Variants in SPMAP2L observed in about 807,000 individuals in gnomAD.
SPMAP2L encodes the protein sperm microtubule associated protein 2-like.
the SPMAP2L span, among the ~76,000 whole-genome samples, chr4:56,550,371 G>GT: frequency 6.6e-6 from 1 of 150,720 alleles, no homozygotes; most frequent in African/African-American, 2.5e-5. Flanking sequence ...ATGGTTTTCA[G>GT]TTAAAAAAAA....
chr4:56,540,966 A>C, the SPMAP2L span, among the ~76,000 whole-genome samples: 1 of 152,192 alleles, frequency 6.6e-6, no homozygotes, highest in South Asian at 2.1e-4. Flanking sequence ...TTTCAATTGG[A>C]GCATACATTT....
At chr4:56,614,235 C>T in the SPMAP2L span, among the ~76,000 whole-genome samples, 1 of 152,122 alleles carries the variant, frequency 6.6e-6, no homozygotes, top group Admixed American at 6.5e-5. Flanking sequence ...AGGATAGTAA[C>T]AATAAAGGTT....
chr4:56,596,011 G>A, the SPMAP2L span, among the ~76,000 whole-genome samples: 1 of 152,096 alleles, frequency 6.6e-6, no homozygotes, highest in Non-Finnish European at 1.5e-5. Flanking sequence ...CTTTTAATGT[G>A]GCAAGTTTGC....
At chr4:56,589,883 G>A in the SPMAP2L span, among the ~76,000 whole-genome samples, 1 of 152,058 alleles carries the variant, frequency 6.6e-6, no homozygotes, top group African/African-American at 2.4e-5. Flanking sequence ...CAGAAACTTT[G>A]CCAAATTCTT....
the SPMAP2L span, among the ~76,000 whole-genome samples, chr4:56,606,691 A>G: frequency 6.6e-6 from 1 of 152,148 alleles, no homozygotes; most frequent in Non-Finnish European, 1.5e-5. Flanking sequence ...GTGAAGCAAG[A>G]GGAGGCTGAA....
chr4:56,554,435 G>A, the SPMAP2L span, among the ~76,000 whole-genome samples: 13 of 152,188 alleles, frequency 8.5e-5, no homozygotes, highest in Admixed American at 2.0e-4. Flanking sequence ...ATGAACTGAT[G>A]TTGAGCATAT....
the SPMAP2L span, among the ~76,000 whole-genome samples, chr4:56,576,997 T>G: frequency 6.6e-6 from 1 of 152,110 alleles, no homozygotes; most frequent in Non-Finnish European, 1.5e-5. Context: ...GAACATCAGC[T>G]ATTTTATAAT....
the SPMAP2L span, among the ~76,000 whole-genome samples, chr4:56,548,189 A>AT: frequency 6.6e-6 from 1 of 151,888 alleles, no homozygotes. Flanking sequence ...GAAAAATCTC[A>AT]TTTTTTGCAT....
chr4:56,603,645 T>G, the SPMAP2L span: 1 of 195,932 alleles, frequency 5.1e-6, no homozygotes, highest in Non-Finnish European at 1.0e-5. Flanking sequence ...CTTCCTTATA[T>G]TTGTGGGTTT....
At chr4:56,605,757 G>C in the SPMAP2L span, among the ~76,000 whole-genome samples, 1 of 152,096 alleles carries the variant, frequency 6.6e-6, no homozygotes, top group South Asian at 2.1e-4. Flanking sequence ...CCAATTAACT[G>C]ATAAGGTACC....
chr4:56,595,389 G>C, the SPMAP2L span: 2 of 1,603,750 alleles, frequency 1.2e-6, no homozygotes, highest in Non-Finnish European at 1.7e-6. Flanking sequence ...CTGAGTCGGA[G>C]GACAAGGCAG....
At chr4:56,616,728 A>G in the SPMAP2L span, among the ~76,000 whole-genome samples, 1 of 152,176 alleles carries the variant, frequency 6.6e-6, no homozygotes, top group Non-Finnish European at 1.5e-5. Context: ...TTCTAACTTC[A>G]GACTCTCTGC....
At chr4:56,548,354 T>TA in the SPMAP2L span, among the ~76,000 whole-genome samples, 1 of 152,294 alleles carries the variant, frequency 6.6e-6, no homozygotes, top group South Asian at 2.1e-4. Flanking sequence ...TTTTGACACT[T>TA]ACCTTAGTGT....
the SPMAP2L span, among the ~76,000 whole-genome samples, chr4:56,547,244 T>C: frequency 0.028 from 18 of 654 alleles, 1 homozygote; most frequent in South Asian, 0.26. Context: ...CTAATTCTCT[T>C]TTTTTTTTTT....
At chr4:56,593,593 C>T in the SPMAP2L span, 29 of 1,603,474 alleles carry the variant, frequency 1.8e-5, 1 homozygote, top group African/African-American at 1.9e-4. Context: ...GGGTAGACAT[C>T]GCCTTGGGCA....
At chr4:56,548,767 C>T in the SPMAP2L span, 1 of 1,460,602 alleles carries the variant, frequency 6.8e-7, no homozygotes, top group Non-Finnish European at 9.0e-7. Flanking sequence ...CTAATTTTTG[C>T]TTTTACTTTT....
the SPMAP2L span, among the ~76,000 whole-genome samples, chr4:56,546,326 G>A: frequency 0.15 from 23,091 of 152,044 alleles, 2,092 homozygotes; most frequent in African/African-American, 0.24. Context: ...CCAAAATTTC[G>A]TTCCGGGAAC....
the SPMAP2L span, among the ~76,000 whole-genome samples, chr4:56,601,827 A>T: frequency 6.6e-6 from 1 of 152,182 alleles, no homozygotes; most frequent in African/African-American, 2.4e-5. Context: ...ATGTGTATGG[A>T]ATTATTTATC....
the SPMAP2L span, among the ~76,000 whole-genome samples, chr4:56,571,705 G>A: frequency 6.6e-6 from 1 of 152,128 alleles, no homozygotes; most frequent in Non-Finnish European, 1.5e-5. Flanking sequence ...AAAATTATCT[G>A]GGCATAGTGG....
Sources: gnomAD v4.1 joint callset for allele counts (sites outside exome capture counted in the v4.1 genomes callset) on GRCh38, gnomAD v4.1.1 for gene constraint, MANE v1.5 for transcripts, NCBI Gene and HGNC (gene_info 2026-07-23, HGNC 2026-07-21) for gene names.